The following OPLAH variants were observed in gnomAD, a reference collection of about 807,000 sequenced individuals.
OPLAH encodes 5-oxoprolinase, ATP-hydrolysing, also known as 5-oxoprolinase.
In OPLAH, 103 loss-of-function variants were observed where a neutral mutation model predicts 122.8. The observed-to-expected ratio is 0.84, with a 90% CI of 0.71 to 0.99. OPLAH has a LOEUF of 0.99. OPLAH is among the 50% of genes least tolerant of loss of function. The pLI, the probability that OPLAH is intolerant of heterozygous loss-of-function variation, is 0.00. For synonymous variants in OPLAH, 875 were observed against 796.0 expected, an observed-to-expected ratio of 1.10 and a Z score of -1.67; for missense variants, 1,902 against 1,836.5, an observed-to-expected ratio of 1.04 and a Z score of -0.65.
intron 1 of OPLAH, among the ~76,000 whole-genome samples, chr8:144,060,338 C>T (rs1835637838): frequency 6.6e-6 from 1 of 152,206 alleles, no homozygotes; most frequent in Admixed American, 6.5e-5. Context: ...GGCAGCGGAG[C>T]AGGCACGGGA....
chr8:144,051,621 GC>G, intron 26 of OPLAH, 107 bp downstream of exon 26: 1 of 1,187,274 alleles, frequency 8.4e-7, no homozygotes, highest in Non-Finnish European at 1.2e-6. Flanking sequence ...TCCTTCCGGG[GC>G]CAAATTAAAC....
rs1554758057 is a variant in OPLAH, at chr8:144,052,907, GC to G, written c.3019-8del. On this transcript the variant is annotated splice_region_variant and splice_polypyrimidine_tract_variant and intron_variant, in intron 21 of 26. Coordinates refer to ENST00000618853, the MANE Select transcript of OPLAH (RefSeq NM_017570.5). Reference sequence around the variant, plus strand: ...AGTCAAACACGGCGCTGCCCTGCGCGCCCCGAGGGAAGGGAGAGGCTGTCAG... The same window carrying G: ...AGTCAAACACGGCGCTGCCCTGCGCGCCCGAGGGAAGGGAGAGGCTGTCAG... 6.4e-7 allele frequency: 1 copy of G among 1,558,770 alleles called. No individual in the cohort carries two copies. Among genetic ancestry groups the G allele is most frequent in the East Asian group, 2.4e-5 (1 of 41,410 alleles).
At position 144,052,039 on chromosome 8, in the gene OPLAH, C is replaced by G. The variant is rs782665943; in HGVS notation, c.3499G>C (p.Gly1167Arg). ...CGGAAGCGGCCTCTGCCCCCCGAGC[C>G]CCGCCGCAGCTCGAAGCGGCGCAGG... ...VILRRFELRR[G>R]SGGRGRFRGG... The change falls in exon 25 of 27, where the codon GGC becomes CGC. Residue 1167 changes from glycine to arginine, a missense_variant. By Grantham distance (125) the Gly-to-Arg change is moderately radical. Around this residue, in one of 3 missense-constraint regions of OPLAH, gnomAD observed 1,726 missense variants for 1,642.1 expected, o/e 1.05. Transcript: ENST00000618853. The G allele has an allele frequency of 2.5e-6, 4 of 1,589,584 alleles. No homozygotes were observed. In the Admixed American group the frequency reaches 6.7e-5, roughly 27 times the overall value.
At position 144,052,172 on chromosome 8, in the gene OPLAH, C is replaced by T; in HGVS notation, c.3458G>A (p.Ser1153Asn). The T allele has an allele frequency of 6.4e-7, 1 of 1,568,110 alleles. No homozygotes were observed. The highest frequency in any genetic ancestry group is 8.6e-7 in the Non-Finnish European group (1 of 1,159,688). ...TRITDPEILE[S>N]RYPVILRRFE... Reference sequence around the variant, plus strand: ...AGCCTCCGCGCACGCCGCTCACCGGCTCTCCAGGATCTCAGGGTCGGTGAT... The same window carrying T: ...AGCCTCCGCGCACGCCGCTCACCGGTTCTCCAGGATCTCAGGGTCGGTGAT... Residue 1153 changes from serine (S) to asparagine (N), a missense_variant, in exon 24 of 27, where the codon AGC becomes AAC. This residue lies in a region of OPLAH where 1,726 missense variants were observed against 1,642.1 expected (regional missense o/e 1.05). Transcript: ENST00000618853.
In OPLAH at chr8:144,052,230, T is replaced by C. The variant is rs782490694; in HGVS notation, c.3400A>G (p.Ser1134Gly). ...AGAGPSWHGR[S>G]GVHSHMTNTR... ...TTGGTCATGTGGCTGTGCACACCGC[T>C]GCGCCCGTGCCAGCTGGGACCCGCG... is the stretch of plus-strand genomic sequence containing the variant. Residue 1134 changes from serine to glycine, a missense_variant, in exon 24 of 27, where the codon AGC becomes GGC. Transcript: ENST00000618853. 26 of 1,566,140 alleles carry C rather than the reference T, an allele frequency of 1.7e-5. No individual in the cohort carries two copies. In the East Asian group the frequency reaches 1.9e-4, roughly 11 times the overall value.
chr8:144,054,701 T>G lies in OPLAH; in HGVS notation c.2546A>C (p.Tyr849Ser). 6.2e-7 allele frequency: 1 copy of G among 1,612,238 alleles called. No homozygotes were observed. The highest frequency in any genetic ancestry group is 8.5e-7 in the Non-Finnish European group (1 of 1,179,796). ...FWPGQTRPVF[Y>S]VASRGHHADI... Reference sequence around the variant, plus strand: ...TGCGTGGTGCCCTCGGCTGGCCACATAGAACACAGGCCGCGTCTGACCCGG... The same window carrying G: ...TGCGTGGTGCCCTCGGCTGGCCACAGAGAACACAGGCCGCGTCTGACCCGG... Residue 849 changes from tyrosine (Y) to serine (S), a missense_variant, in exon 19 of 27, where the codon TAT becomes TCT. Physicochemically the swap from Tyr to Ser is moderately radical, Grantham distance 144. Coordinates refer to ENST00000618853, the MANE Select transcript of OPLAH (RefSeq NM_017570.5).
rs1430134820 is a variant in OPLAH, at chr8:144,053,232, G to A, written c.2848C>T (p.Gln950Ter). 6 of 1,612,698 alleles carry A rather than the reference G, an allele frequency of 3.7e-6. No homozygotes were observed. The highest frequency in any genetic ancestry group is 2.2e-5 in the East Asian group (1 of 44,888). Reference sequence around the variant, plus strand: ...ACCTGAATATGGCCCATGTAGGCCTGCACCACGTCCAGGCCGTACTGCCCA... The same window carrying A: ...ACCTGAATATGGCCCATGTAGGCCTACACCACGTCCAGGCCGTACTGCCCA... ...LIGQYGLDVV[Q>*]AYMGHIQANA... The change falls in exon 20 of 27, where the codon CAG becomes TAG. Residue 950 changes from glutamine to a stop codon, truncating the protein, a stop_gained. Coordinates refer to ENST00000618853, the MANE Select transcript of OPLAH (RefSeq NM_017570.5). LOFTEE classifies it high-confidence loss of function.
upstream of OPLAH, among the ~76,000 whole-genome samples, chr8:144,063,542 C>T (rs1399137013): frequency 1.3e-5 from 2 of 152,216 alleles, no homozygotes; most frequent in African/African-American, 4.8e-5. The surrounding 1 kb of genome is among the most constrained non-coding windows in gnomAD (Gnocchi z 4.2). Flanking sequence ...CCCTCGCCCG[C>T]TCAGGCTCTG....
chr8:144,053,493 A>C (rs942168792), intron 19 of OPLAH, 100 bp from the exon 20 acceptor site: 5 of 1,209,614 alleles, frequency 4.1e-6, no homozygotes, highest in Non-Finnish European at 5.7e-6. Context: ...CCTAGAAAGC[A>C]CCGAGGCCTG....
rs1835597776 is a variant in OPLAH, at chr8:144,058,850, C to T, written c.510G>A (p.Gly170=). 1 of 1,575,076 alleles carries T rather than the reference C, an allele frequency of 6.3e-7. No individual in the cohort carries two copies. The highest frequency in any genetic ancestry group is 8.6e-7 in the Non-Finnish European group (1 of 1,161,562). Residue 170 remains glycine (G), a synonymous_variant, in exon 5 of 27, where the codon GGG becomes GGA. Coordinates refer to ENST00000618853, the MANE Select transcript of OPLAH (RefSeq NM_017570.5). ...LLEVQQPVDL[G]ALRGKLEGLL... The stretch of plus-strand genomic sequence containing the variant: ...GCCCCTCCAGCTTCCCACGCAGGGC[C>T]CCCAGGTCCACAGGCTGCTGCACTT...
chr8:144,055,487 C>G lies in OPLAH; in HGVS notation c.2249-298G>C, dbSNP rs1281640399. ...GGTTCCTAGGCTCTTGACCTCTGGGCTCCCAGCAAGCCGCTGGCCTGACCC... is the reference window on the plus strand; with the variant it reads ...GGTTCCTAGGCTCTTGACCTCTGGGGTCCCAGCAAGCCGCTGGCCTGACCC... On this transcript the variant is annotated intron_variant, in intron 16 of 26. Transcript: ENST00000618853. This position sits in a 1 kb window ranked among gnomAD's most constrained non-coding sequence, Gnocchi z 6.5. Among the ~76,000 whole-genome samples the G allele has an allele frequency of 1.3e-5, 2 of 152,048 alleles. No homozygotes were observed. The highest frequency in any genetic ancestry group is 4.8e-5 in the African/African-American group (2 of 41,368).
rs1304541939 is a variant in OPLAH at position 144,056,399 on chromosome 8, G to C, written c.1969C>G (p.Pro657Ala). The change falls in exon 14 of 27, where the codon CCC becomes GCC. Residue 657 changes from proline (P) to alanine (A), a missense_variant. Pro to Ala is a conservative substitution (Grantham distance 27, BLOSUM62 -1). Transcript: ENST00000618853. The part of the protein sequence containing the change: ...EDAPKAQTGP[P>A]RVDKMTQCYF... ...GGACCACCAACCTTGTCCACCCGGGGAGGCCCGGTCTGGGCTTTGGGGGCA... is the reference window on the plus strand; with the variant it reads ...GGACCACCAACCTTGTCCACCCGGGCAGGCCCGGTCTGGGCTTTGGGGGCA... 20 of 1,606,062 alleles carry C rather than the reference G, an allele frequency of 1.2e-5. No individual in the cohort carries two copies. Among genetic ancestry groups the C allele is most frequent in the Non-Finnish European group, 1.6e-5 (19 of 1,176,946 alleles).
downstream of OPLAH, chr8:144,050,973 T>C: frequency 9.4e-7 from 1 of 1,064,682 alleles, no homozygotes; most frequent in African/African-American, 1.7e-5. Context: ...GCGCCACCTC[T>C]ACCTGGCCGG....
In OPLAH at chr8:144,053,078, G is replaced by C; in HGVS notation, c.2923C>G (p.Arg975Gly). ...TCCAGGGGCAGGCCCCGGGCCTGCCGGGAGGTTCCAAAGGCACGCAACATG... is the reference window on the plus strand; with the variant it reads ...TCCAGGGGCAGGCCCCGGGCCTGCCCGGAGGTTCCAAAGGCACGCAACATG... Reference protein sequence around the residue: ...RDMLRAFGTSRQARGLPLEVS... With the variant: ...RDMLRAFGTSGQARGLPLEVS... The change falls in exon 21 of 27, where the codon CGG becomes GGG. Residue 975 changes from arginine (R) to glycine (G), a missense_variant. Transcript: ENST00000618853. The C allele has an allele frequency of 1.9e-6, 3 of 1,604,102 alleles. No individual in the cohort carries two copies. The highest frequency in any genetic ancestry group is 2.6e-6 in the Non-Finnish European group (3 of 1,176,276).
At position 144,058,871 on chromosome 8, in the gene OPLAH, C is replaced by T. The variant is rs1554760194; in HGVS notation, c.489G>A (p.Val163=). 2 of 1,559,276 alleles carry T rather than the reference C, an allele frequency of 1.3e-6. No homozygotes were observed. Among genetic ancestry groups the T allele is most frequent in the African/African-American group, 1.4e-5 (1 of 73,258 alleles). Residue 163 remains valine, a synonymous_variant, in exon 5 of 27, where the codon GTG becomes GTA. Transcript: ENST00000618853. ...VKGRTGDLLE[V]QQPVDLGALR... is the part of the protein sequence containing the mutation. ...GGGCCCCCAGGTCCACAGGCTGCTGCACTTCCAGCAGGTCCCCCGTGCGGC... is the reference window on the plus strand; with the variant it reads ...GGGCCCCCAGGTCCACAGGCTGCTGTACTTCCAGCAGGTCCCCCGTGCGGC...
At chr8:144,062,032 A>AG (rs1554760983), upstream of OPLAH, among the ~76,000 whole-genome samples, 1 of 151,986 alleles carries the variant, frequency 6.6e-6, no homozygotes, top group East Asian at 1.9e-4. Context: ...AAAAAAAAAA[A>AG]AAAAATGGGC....
In OPLAH at chr8:144,057,460, A is replaced by T; in HGVS notation, c.1410T>A (p.Arg470=). 6.3e-7 allele frequency: 1 copy of T among 1,588,138 alleles called. No individual in the cohort carries two copies. The highest frequency in any genetic ancestry group is 8.6e-7 in the Non-Finnish European group (1 of 1,167,592). Residue 470 remains arginine, a synonymous_variant, in exon 10 of 27, where the codon CGT becomes CGA. Coordinates refer to ENST00000618853, the MANE Select transcript of OPLAH (RefSeq NM_017570.5). ...GAGGTGGACGTACCTGCGTGAGTGC[A>T]CGGATGGGCCGGCACATGGCCTCGT... ...VANEAMCRPI[R]ALTQARGHDP...
chr8:144,055,805 C>A lies in OPLAH; in HGVS notation c.2231G>T (p.Arg744Leu). 1.9e-6 allele frequency: 3 copies of A among 1,548,506 alleles called. No homozygotes were observed. Among genetic ancestry groups the A allele is most frequent in the South Asian group, 1.2e-5 (1 of 82,764 alleles). Reference sequence around the variant, plus strand: ...CCACTCACCAGCAATGCTCATGAAGCGGTGTGAGAAGATGGACAGCTGGAT... The same window carrying A: ...CCACTCACCAGCAATGCTCATGAAGAGGTGTGAGAAGATGGACAGCTGGAT... ...DPIQLSIFSH[R>L]FMSIAEQMGR... is the part of the protein sequence containing the mutation. Residue 744 changes from arginine to leucine, a missense_variant, in exon 16 of 27, where the codon CGC becomes CTC. Physicochemically the swap from Arg to Leu is moderately radical, Grantham distance 102. Around this residue, in one of 3 missense-constraint regions of OPLAH, gnomAD observed 1,726 missense variants for 1,642.1 expected, o/e 1.05. Coordinates refer to ENST00000618853, the MANE Select transcript of OPLAH (RefSeq NM_017570.5). This position sits in a 1 kb window ranked among gnomAD's most constrained non-coding sequence, Gnocchi z 6.5.
chr8:144,058,355 T>C lies in OPLAH; in HGVS notation c.833A>G (p.Asp278Gly), dbSNP rs782282139. The C allele has an allele frequency of 6.3e-7, 1 of 1,596,332 alleles. No individual in the cohort carries two copies. ...MRSDGGLAPM[D>G]TFSGSSAVLS... ...CACAGCACTGGAGCCGCTGAAGGTG[T>C]CCATGGGCGCCAGGCCGCCATCGGA... is the stretch of plus-strand genomic sequence containing the variant. Residue 278 changes from aspartate (D) to glycine (G), a missense_variant, in exon 7 of 27, where the codon GAC becomes GGC. Transcript: ENST00000618853.
Sources: allele counts gnomAD v4.1 joint callset (sites outside exome capture counted in the v4.1 genomes callset), GRCh38; gene constraint gnomAD v4.1.1; regional missense constraint gnomAD v4.1.1; non-coding constraint Gnocchi (gnomAD v3.1); transcripts MANE v1.5; gene names NCBI Gene and HGNC (gene_info 2026-07-23, HGNC 2026-07-21).